Variants in MYPN observed in about 807,000 individuals in gnomAD.
MYPN encodes the protein myopalladin, also known as sarcomeric protein myopalladin, 145 kDa (MYOP).
In MYPN, 63 loss-of-function variants were observed where a neutral mutation model predicts 129.4. The ratio of observed to expected loss-of-function variants is 0.49; its 90% CI spans 0.40 to 0.60. The LOEUF is 0.60. MYPN is among the 20% of genes least tolerant of loss of function. The pLI, the probability that MYPN is intolerant of heterozygous loss-of-function variation, is 0.00. For missense variants in MYPN, 1,596 were observed against 1,635.4 expected (o/e 0.98, Z 0.42); for synonymous variants, 629 against 600.9 (o/e 1.05, Z -0.68).
At chr10:68,198,792 C>T (rs752067727) in intron 16 of MYPN, among the ~76,000 whole-genome samples, 16 of 151,754 alleles carry the variant, frequency 1.1e-4, no homozygotes, top group Non-Finnish European at 1.9e-4. Context: ...CACATGTTCT[C>T]ACTCACAAGT....
At chr10:68,189,179 G>A in intron 13 of MYPN, 53 bp downstream of exon 13, 1 of 1,304,986 alleles carries the variant, frequency 7.7e-7, no homozygotes, top group Non-Finnish European at 1.1e-6. Flanking sequence ...GCTATAGACA[G>A]TGCCTTCAAG....
intron 6 of MYPN, among the ~76,000 whole-genome samples, chr10:68,155,821 C>A (rs966754092): frequency 1.3e-5 from 2 of 152,166 alleles, no homozygotes; most frequent in Non-Finnish European, 2.9e-5. Context: ...ACCCTTGGCA[C>A]CTCCTTTACT....
chr10:68,153,268 AGCCACGGTGCCCAGCCACATTTAT>A (rs1363045960), intron 6 of MYPN, among the ~76,000 whole-genome samples: 1 of 152,318 alleles, frequency 6.6e-6, no homozygotes, highest in African/African-American at 2.4e-5. Context: ...TACAGGCGTG[AGCCACGGTGCCCAGCCACATTTAT>A]TCTTTACATT....
chr10:68,185,683 G>A (rs1339148761), intron 12 of MYPN, among the ~76,000 whole-genome samples: 1 of 152,182 alleles, frequency 6.6e-6, no homozygotes, highest in Non-Finnish European at 1.5e-5. Context: ...ATAATAAAAT[G>A]TAGCACCTAT....
At chr10:68,102,282 G>A (rs182182083), upstream of MYPN, among the ~76,000 whole-genome samples, 398 of 151,562 alleles carry the variant, frequency 2.6e-3, no homozygotes, top group Non-Finnish European at 3.9e-3. Context: ...ACACCACCAC[G>A]CCCAGCTAAT....
chr10:68,108,267 TA>T (rs1194951707), upstream of MYPN, among the ~76,000 whole-genome samples: 3 of 152,128 alleles, frequency 2.0e-5, no homozygotes, highest in Non-Finnish European at 2.9e-5. Context: ...TAAAACCACA[TA>T]AAAAAGGTGT....
exon 1 of MYPN, among the ~76,000 whole-genome samples, chr10:68,087,976 A>G (rs2041914881): frequency 1.3e-5 from 2 of 152,174 alleles, no homozygotes; most frequent in Non-Finnish European, 1.5e-5. Flanking sequence ...TTGGAGCTCC[A>G]CTGCTGTTTG....
intron 12 of MYPN, among the ~76,000 whole-genome samples, chr10:68,182,192 T>C (rs1489716571): frequency 6.7e-6 from 1 of 148,702 alleles, no homozygotes; most frequent in Non-Finnish European, 1.5e-5. Flanking sequence ...GTATCCTCAC[T>C]ACCTGGTTAC....
At chr10:68,172,667 T>G (rs1382800643) in intron 10 of MYPN, among the ~76,000 whole-genome samples, 1 of 152,214 alleles carries the variant, frequency 6.6e-6, no homozygotes, top group African/African-American at 2.4e-5. Flanking sequence ...TCCAGTTTGA[T>G]CTTTCTCCTT....
At chr10:68,210,205 T>C (rs1288952252) in intron 19 of MYPN, 81 bp from the exon 20 acceptor site, 2 of 1,504,424 alleles carry the variant, frequency 1.3e-6, no homozygotes, top group Non-Finnish European at 1.8e-6. Flanking sequence ...AGAATCGGGG[T>C]GAGGACAGAA....
intron 2 of MYPN, among the ~76,000 whole-genome samples, chr10:68,124,744 G>A (rs2042300516): frequency 6.6e-6 from 1 of 152,152 alleles, no homozygotes; most frequent in African/African-American, 2.4e-5. Flanking sequence ...AAAGAAACAG[G>A]AAAACAAGAA....
In MYPN at chr10:68,165,525, A is replaced by G. The variant is rs1465500449; in HGVS notation, c.1484-177A>G. The G allele has an allele frequency of 7.2e-6, 5 of 692,516 alleles. No homozygotes were observed. In the East Asian group the frequency reaches 1.1e-4, roughly 15 times the overall value. 42.9% of individuals were successfully genotyped at this position (692,516 alleles called of 1,614,324 possible). On this transcript the variant is annotated intron_variant, in intron 8 of 19. Coordinates refer to ENST00000358913, the MANE Select transcript of MYPN (RefSeq NM_032578.4). ...TTATTGTTTCTACATTCTTTGACTC[A>G]TTTTGCCTACTAATCAGTCAATTCA...
chr10:68,122,491 A>G, intron 2 of MYPN, 151 bp downstream of exon 2: 2 of 747,378 alleles, frequency 2.7e-6, no homozygotes, highest in African/African-American at 3.5e-5. Context: ...TCCAATAGAA[A>G]TGTAAACCTA....
chr10:68,132,546 T>C (rs1339529726), intron 2 of MYPN, among the ~76,000 whole-genome samples: 1 of 152,224 alleles, frequency 6.6e-6, no homozygotes, highest in Non-Finnish European at 1.5e-5. Flanking sequence ...GGTTTACATC[T>C]TTCTGATTGG....
At chr10:68,156,405 C>T (rs2042874454) in intron 6 of MYPN, among the ~76,000 whole-genome samples, 3 of 152,230 alleles carry the variant, frequency 2.0e-5, no homozygotes, top group South Asian at 4.2e-4. Context: ...CCATTCTTGT[C>T]GTTAGTAGAT....
upstream of MYPN, among the ~76,000 whole-genome samples, chr10:68,102,243 G>T (rs1158889811): frequency 6.7e-6 from 1 of 149,148 alleles, no homozygotes; most frequent in Non-Finnish European, 1.5e-5. Context: ...TCCTGCCTCA[G>T]CCTCCCAGGT....
intron 1 of MYPN, among the ~76,000 whole-genome samples, chr10:68,100,004 T>C (rs2041974467): frequency 6.6e-6 from 1 of 152,186 alleles, no homozygotes; most frequent in South Asian, 2.1e-4. Flanking sequence ...CTTTGTGCAA[T>C]TTCTTCTCTG....
At chr10:68,094,697 A>G (rs891808147) in intron 1 of MYPN, among the ~76,000 whole-genome samples, 3 of 152,202 alleles carry the variant, frequency 2.0e-5, no homozygotes, top group African/African-American at 7.2e-5. Context: ...CCTCTGAAAC[A>G]ATGTCACTGG....
intron 12 of MYPN, among the ~76,000 whole-genome samples, chr10:68,184,287 G>A (rs921582081): frequency 1.3e-5 from 2 of 152,220 alleles, no homozygotes; most frequent in African/African-American, 4.8e-5. Flanking sequence ...ACCTTGATAT[G>A]CCCTTTTCTT....
Sources: allele counts gnomAD v4.1 joint callset (sites outside exome capture counted in the v4.1 genomes callset), GRCh38; gene constraint gnomAD v4.1.1; transcripts MANE v1.5; gene names NCBI Gene and HGNC (gene_info 2026-07-23, HGNC 2026-07-21).